The following UBQLN4 variants were observed in gnomAD, a reference collection of about 807,000 sequenced individuals.
The protein encoded by UBQLN4 is ubiquilin 4, also known as ubiquilin-4.
Under a neutral mutation model 60.4 loss-of-function variants are expected in UBQLN4, and 11 were observed. The ratio of observed to expected loss-of-function variants is 0.18; its 90% confidence interval spans 0.11 to 0.30. The LOEUF (loss-of-function observed/expected upper bound fraction) is 0.30, where lower values mean the gene tolerates loss of function less well. UBQLN4 is among the 10% of genes least tolerant of loss of function. The pLI is 1.00. For synonymous variants in UBQLN4, 258 were observed against 313.1 expected (o/e 0.82, Z 1.86); for missense variants, 417 against 795.5 (o/e 0.52, Z 5.72).
chr1:156,053,153 G>A (rs1000555633), intron 1 of UBQLN4, among the ~76,000 whole-genome samples: 2 of 152,128 alleles, frequency 1.3e-5, no homozygotes. Context: ...AAGGATCTGG[G>A]CACAGGGAAA....
rs561199695 is a variant in UBQLN4 at position 156,036,885 on chromosome 1, G to T, written c.*93C>A. The stretch of plus-strand genomic sequence containing the variant: ...TTTGGAAAGGATGAGGGAGAAGACG[G>T]AAGGGAGGACAAGCTGCAGAGGGTA... On this transcript the variant is annotated 3_prime_UTR_variant, in exon 11 of 11. Transcript: ENST00000368309. 1.9e-5 allele frequency: 30 copies of T among 1,546,252 alleles called. No homozygotes were observed. The African/African-American group carries it at 3.0e-4, about 16-fold the overall frequency.
chr1:156,049,465 A>G (rs1683805338), intron 4 of UBQLN4, among the ~76,000 whole-genome samples: 1 of 152,190 alleles, frequency 6.6e-6, no homozygotes, highest in Non-Finnish European at 1.5e-5. Context: ...AAAAATAAGT[A>G]TAACTACTTG....
intron 7 of UBQLN4, 30 bp from the exon 8 acceptor site, chr1:156,042,266 C>G (rs1226393145): frequency 3.9e-6 from 6 of 1,552,448 alleles, no homozygotes; most frequent in Middle Eastern, 1.7e-4. Flanking sequence ...AGGGGGAGAC[C>G]TGGGCCTTTT....
Position 156,042,800 on chromosome 1 carries a change from C to T in UBQLN4, c.1240G>A (p.Ala414Thr). The change falls in exon 7 of 11, where the codon GCC (alanine) becomes ACC (threonine). Residue 414 changes from alanine (A) to threonine (T), a missense_variant. Transcript: ENST00000368309. ...PYMRSMMQTL[A>T]QNPDFAAQMM... Reference sequence around the variant, plus strand: ...TGAGCAGCAAAGTCGGGGTTCTGGGCAAGCGTCTGCATCATGCTGCGCATG... The same window carrying T: ...TGAGCAGCAAAGTCGGGGTTCTGGGTAAGCGTCTGCATCATGCTGCGCATG... 1 of 1,614,126 alleles carries T rather than the reference C, an allele frequency of 6.2e-7. No homozygotes were observed. Among genetic ancestry groups the T allele is most frequent in the Non-Finnish European group, 8.5e-7 (1 of 1,180,004 alleles).
chr1:156,032,160 G>C (rs967457899), downstream of UBQLN4, among the ~76,000 whole-genome samples: 5 of 151,390 alleles, frequency 3.3e-5, no homozygotes, highest in Admixed American at 3.3e-4. Flanking sequence ...GTGCCACCAC[G>C]CCTGGCTAGT....
chr1:156,047,237 T>C (rs1436477968), intron 5 of UBQLN4, among the ~76,000 whole-genome samples: 11 of 150,718 alleles, frequency 7.3e-5, no homozygotes, highest in Admixed American at 6.7e-4. Flanking sequence ...TTGTGTAACT[T>C]GTGAATTTTT....
rs1203223105 is a variant in UBQLN4, at chr1:156,051,199, T to G, written c.389A>C (p.Asp130Ala). ...GCTCCTCCGGCTTCCACTGCCAGCA[T>G]CTGAAGAGGCACTGCCAGAGGTGGA... is the stretch of plus-strand genomic sequence containing the variant. ...QPSTSGSASS[D>A]AGSGSRRSSG... The change falls in exon 3 of 11, where the codon GAT becomes GCT. Residue 130 changes from aspartate (D) to alanine (A), a missense_variant. Asp to Ala is a moderately radical substitution (Grantham distance 126, BLOSUM62 -2). Transcript: ENST00000368309. The G allele has an allele frequency of 1.9e-6, 3 of 1,611,568 alleles. No individual in the cohort carries two copies. The highest frequency in any genetic ancestry group is 1.7e-6 in the Non-Finnish European group (2 of 1,178,814).
In UBQLN4 at chr1:156,042,868, G is replaced by A. The variant is rs767688742; in HGVS notation, c.1172C>T (p.Ser391Phe). Residue 391 changes from serine (S) to phenylalanine (F), a missense_variant, in exon 7 of 11, where the codon TCT becomes TTT. By Grantham distance (155) the Ser-to-Phe change is radical. Transcript: ENST00000368309. ...ATTCTGCATCAGCTGGGGGTTCTCA[G>A]AGATCTGCTGGAGGAGGGCTTGCAT... Reference protein sequence around the residue: ...PEMQALLQQISENPQLMQNVI... With the variant: ...PEMQALLQQIFENPQLMQNVI... The A allele has an allele frequency of 1.2e-6, 2 of 1,614,228 alleles. No individual in the cohort carries two copies. The highest frequency in any genetic ancestry group is 4.5e-5 in the East Asian group (2 of 44,888).
Position 156,036,769 on chromosome 1 carries a change from G to A in UBQLN4, c.*209C>T. 1 of 1,400,766 alleles carries A rather than the reference G, an allele frequency of 7.1e-7. No individual in the cohort carries two copies. Among genetic ancestry groups the A allele is most frequent in the South Asian group, 1.7e-5 (1 of 59,764 alleles). 86.8% of individuals were successfully genotyped at this position (1,400,766 alleles called of 1,614,324 possible). On this transcript the variant is annotated 3_prime_UTR_variant, in exon 11 of 11. Coordinates refer to ENST00000368309, the MANE Select transcript of UBQLN4 (RefSeq NM_020131.5). Reference sequence around the variant, plus strand: ...GTAGCACTGCTCAAGGAGACCAGGAGAGAAGAGTCTGTTAGAGACGTAGCA... The same window carrying A: ...GTAGCACTGCTCAAGGAGACCAGGAAAGAAGAGTCTGTTAGAGACGTAGCA...
chr1:156,051,361 G>A (rs1389333111), intron 2 of UBQLN4, 34 bp from the exon 3 acceptor site: 1 of 1,547,368 alleles, frequency 6.5e-7, no homozygotes, highest in Non-Finnish European at 8.7e-7. Context: ...CTGTTGGAGT[G>A]AGCACTAGAA....
downstream of UBQLN4, chr1:156,033,185 T>C (rs1443487072): frequency 2.0e-6 from 2 of 984,838 alleles, no homozygotes; most frequent in Non-Finnish European, 2.4e-6. Context: ...CATCCGACTC[T>C]GGAGCAAGGA....
downstream of UBQLN4, among the ~76,000 whole-genome samples, chr1:156,031,728 G>C (rs1683300341): frequency 6.6e-6 from 1 of 152,010 alleles, no homozygotes; most frequent in Non-Finnish European, 1.5e-5. Context: ...ACCAGCGCAT[G>C]CCACCAGGCC....
rs765884220 is a variant in UBQLN4, at chr1:156,044,045, G to C, written c.1079C>G (p.Pro360Arg). The C allele has an allele frequency of 2.5e-6, 4 of 1,607,926 alleles. No homozygotes were observed. Among genetic ancestry groups the C allele is most frequent in the Non-Finnish European group, 2.5e-6 (3 of 1,176,886 alleles). Residue 360 changes from proline to arginine, a missense_variant, in exon 6 of 11, where the codon CCG (proline) becomes CGG (arginine). Coordinates refer to ENST00000368309, the MANE Select transcript of UBQLN4 (RefSeq NM_020131.5). ...TGGSGTSQVHPTVSNPFGINA... is the reference protein window; with the variant it reads ...TGGSGTSQVHRTVSNPFGINA... Reference sequence around the variant, plus strand: ...GATCCCAAAGGGGTTCGAGACTGTCGGGTGCACCTGGCTGGTCCCCGATCC... The same window carrying C: ...GATCCCAAAGGGGTTCGAGACTGTCCGGTGCACCTGGCTGGTCCCCGATCC...
chr1:156,049,083 C>T (rs1382937320), intron 4 of UBQLN4, among the ~76,000 whole-genome samples: 1 of 152,242 alleles, frequency 6.6e-6, no homozygotes, highest in Non-Finnish European at 1.5e-5. Flanking sequence ...GAATTCAAGT[C>T]ATGTAATCTC....
Position 156,036,684 on chromosome 1 carries a change from G to C in UBQLN4, c.*294C>G, listed in dbSNP as rs556685372. 8.9e-7 allele frequency: 1 copy of C among 1,123,668 alleles called. No homozygotes were observed. Among genetic ancestry groups the C allele is most frequent in the Admixed American group, 4.5e-5 (1 of 22,404 alleles). The allele number at this position is 1,123,668 out of a possible 1,614,324, so 69.6% of individuals were successfully genotyped here. On this transcript the variant is annotated 3_prime_UTR_variant, in exon 11 of 11. Transcript: ENST00000368309. ...CACAGCCACTGAAAGTTTAAAGATT[G>C]CAAAAGTGGTGTGGGGCAAGGAGGT...
Position 156,036,966 on chromosome 1 carries a change from T to C in UBQLN4, c.*12A>G, listed in dbSNP as rs766921515. ...CGAGGGAGGGGAGAGGCAGGAGGCA[T>C]GGGCCGAGGGATTAGGAGAGCTGGG... On this transcript the variant is annotated 3_prime_UTR_variant, in exon 11 of 11. Coordinates refer to ENST00000368309, the MANE Select transcript of UBQLN4 (RefSeq NM_020131.5). 1.0e-4 allele frequency: 161 copies of C among 1,612,270 alleles called. 1 individual carries two copies. Among genetic ancestry groups the C allele is most frequent in the Non-Finnish European group, 1.3e-4 (149 of 1,179,240 alleles).
intron 6 of UBQLN4, 48 bp downstream of exon 6, chr1:156,043,950 G>C (rs891231570): frequency 2.5e-6 from 4 of 1,590,334 alleles, no homozygotes; most frequent in Non-Finnish European, 2.6e-6. Flanking sequence ...CTGGGACAGA[G>C]GGGCTGCCCT....
At chr1:156,046,621 TGA>T (rs2102749975) in intron 5 of UBQLN4, among the ~76,000 whole-genome samples, 1 of 149,226 alleles carries the variant, frequency 6.7e-6, no homozygotes, top group East Asian at 2.0e-4. Context: ...GGCAGGCAGA[TGA>T]CAAGGTCAGG....
In UBQLN4 at chr1:156,050,599, C is replaced by T. The variant is rs889658341; in HGVS notation, c.479-46G>A. 4 of 1,550,982 alleles carry T rather than the reference C, an allele frequency of 2.6e-6. No individual in the cohort carries two copies. The highest frequency in any genetic ancestry group is 1.2e-5 in the South Asian group (1 of 82,056). On this transcript the variant is annotated intron_variant, in intron 3 of 10. Coordinates refer to ENST00000368309, the MANE Select transcript of UBQLN4 (RefSeq NM_020131.5). This position sits in a 1 kb window ranked among gnomAD's most constrained non-coding sequence, Gnocchi z 4.6. ...CACAGTCTGCCACAAGAACAGTGTC[C>T]TCACTTAGCCAGAGCCACTGAATTC...
Sources: gnomAD v4.1 joint callset for allele counts (sites outside exome capture counted in the v4.1 genomes callset) on GRCh38, gnomAD v4.1.1 for gene constraint, Gnocchi (gnomAD v3.1) non-coding constraint, MANE v1.5 for transcripts, NCBI Gene and HGNC (gene_info 2026-07-23, HGNC 2026-07-21) for gene names.